The following PARD3B variants were observed in gnomAD, a reference collection of about 807,000 sequenced individuals.
PARD3B encodes the protein partitioning defective 3 homolog B.
In PARD3B, 103 loss-of-function variants were observed where a neutral mutation model predicts 130.2. The observed-to-expected ratio is 0.79, with a 90% CI of 0.67 to 0.93. The LOEUF (loss-of-function observed/expected upper bound fraction) is 0.93. Ranked by LOEUF, PARD3B falls within the 40% of genes least tolerant of loss-of-function variation. The probability of loss-of-function intolerance (pLI) is 0.00; values close to 1 mark genes in which losing one functional copy is unlikely to be tolerated. For missense variants in PARD3B, 1,609 were observed against 1,499.2 expected (o/e 1.07, Z -1.21); for synonymous variants, 583 against 553.2 (o/e 1.05, Z -0.76).
intron 13 of PARD3B, among the ~76,000 whole-genome samples, chr2:205,182,159 G>T (rs1392505388): frequency 6.6e-6 from 1 of 152,114 alleles, no homozygotes; most frequent in Non-Finnish European, 1.5e-5. Context: ...GGGCTTGGTG[G>T]CAGGTGCCTG....
intron 11 of PARD3B, among the ~76,000 whole-genome samples, chr2:205,163,755 C>T (rs2034641876): frequency 6.6e-6 from 1 of 152,204 alleles, no homozygotes; most frequent in Non-Finnish European, 1.5e-5. Flanking sequence ...CCACCCCCAT[C>T]TCTGCCGGTA....
chr2:204,925,703 T>C (rs1285870069), intron 2 of PARD3B, among the ~76,000 whole-genome samples: 2 of 152,088 alleles, frequency 1.3e-5, no homozygotes, highest in East Asian at 1.9e-4. Context: ...AGAGACATTA[T>C]TGACTAAGCT....
At chr2:204,557,203 A>AC (rs1407587469) in intron 1 of PARD3B, among the ~76,000 whole-genome samples, 1 of 151,966 alleles carries the variant, frequency 6.6e-6, no homozygotes, top group Non-Finnish European at 1.5e-5. Flanking sequence ...CTAGCCCTGA[A>AC]CTTGCTCCAG....
intron 2 of PARD3B, among the ~76,000 whole-genome samples, chr2:204,806,534 A>G (rs1239679899): frequency 6.6e-6 from 1 of 152,110 alleles, no homozygotes; most frequent in African/African-American, 2.4e-5. Flanking sequence ...CTATGAAACT[A>G]TTTGAGACTA....
intron 22 of PARD3B, among the ~76,000 whole-genome samples, chr2:205,588,982 T>G (rs2054290737): frequency 6.6e-6 from 1 of 152,180 alleles, no homozygotes; most frequent in Admixed American, 6.5e-5. Context: ...CACAGAATAG[T>G]CTGCCATTCA....
intron 19 of PARD3B, among the ~76,000 whole-genome samples, chr2:205,438,415 A>T (rs567738648): frequency 8.9e-4 from 136 of 152,272 alleles, no homozygotes; most frequent in African/African-American, 2.9e-3. Flanking sequence ...CAGCCATGAG[A>T]TATTCATCTT....
chr2:205,113,977 C>G (rs1409718545), intron 6 of PARD3B, among the ~76,000 whole-genome samples: 1 of 152,004 alleles, frequency 6.6e-6, no homozygotes, highest in Non-Finnish European at 1.5e-5. Flanking sequence ...TGTTATTCTT[C>G]AAGTATGTAG....
At position 205,321,798 on chromosome 2, in the gene PARD3B, G is replaced by A. The variant is rs750427442; in HGVS notation, c.2630+20097G>A. On this transcript the variant is annotated intron_variant, in intron 18 of 22. Coordinates refer to ENST00000406610, the MANE Select transcript of PARD3B (RefSeq NM_001302769.2). The surrounding 1 kb of genome is among the most constrained non-coding windows in gnomAD (Gnocchi z 4.2). The stretch of plus-strand genomic sequence containing the variant: ...TAATCTAAAAACATAAATTAAGTCA[G>A]TGTTGACTCCTGGTAAATGAGTACA... Among the ~76,000 whole-genome samples the A allele has an allele frequency of 2.0e-5, 3 of 152,200 alleles. No homozygotes were observed. Among genetic ancestry groups the A allele is most frequent in the African/African-American group, 7.2e-5 (3 of 41,460 alleles).
intron 20 of PARD3B, among the ~76,000 whole-genome samples, chr2:205,472,898 C>A (rs2048887938): frequency 6.6e-6 from 1 of 151,908 alleles, no homozygotes; most frequent in Non-Finnish European, 1.5e-5. Context: ...AGGAACAGAA[C>A]AATGAGTAGT....
chr2:204,996,829 G>C (rs1694240838), intron 3 of PARD3B, among the ~76,000 whole-genome samples: 2 of 147,340 alleles, frequency 1.4e-5, no homozygotes, highest in Non-Finnish European at 1.5e-5. Context: ...ATTCGGGTGG[G>C]AGTGACCCGA....
chr2:205,398,996 C>T lies in PARD3B; in HGVS notation c.2631-2017C>T, dbSNP rs966267357. On this transcript the variant is annotated intron_variant, in intron 18 of 22. Coordinates refer to ENST00000406610, the MANE Select transcript of PARD3B (RefSeq NM_001302769.2). The stretch of plus-strand genomic sequence containing the variant: ...GAAAAAGTCTAAGAATCGCTGGGCA[C>T]GGTGGCTCACGCCTGTAATCCCAGC... 3.9e-5 allele frequency among the ~76,000 whole-genome samples: 6 copies of T among 152,048 alleles called. No individual in the cohort carries two copies. In the East Asian group the frequency reaches 7.7e-4, roughly 20 times the overall value.
At chr2:204,991,895 A>G (rs1381327350) in intron 3 of PARD3B, among the ~76,000 whole-genome samples, 1 of 150,054 alleles carries the variant, frequency 6.7e-6, no homozygotes, top group Non-Finnish European at 1.5e-5. Context: ...GTGTCTGTTC[A>G]TGTCCTTCAC....
chr2:205,164,189 T>G (rs2034669702), intron 11 of PARD3B, among the ~76,000 whole-genome samples: 1 of 152,236 alleles, frequency 6.6e-6, no homozygotes, highest in South Asian at 2.1e-4. Context: ...AAATACATTT[T>G]AGCTAATTTT....
At chr2:204,827,324 C>T (rs1386891892) in intron 2 of PARD3B, among the ~76,000 whole-genome samples, 1 of 152,014 alleles carries the variant, frequency 6.6e-6, no homozygotes, top group Non-Finnish European at 1.5e-5. Context: ...ACTTGGAGAA[C>T]TTTTTATAAT....
intron 13 of PARD3B, among the ~76,000 whole-genome samples, chr2:205,182,587 A>G (rs1392943150): frequency 6.6e-6 from 1 of 152,232 alleles, no homozygotes; most frequent in African/African-American, 2.4e-5. Context: ...AGATAAATAG[A>G]TAATAGCTTG....
chr2:204,792,913 T>A (rs188204314), intron 2 of PARD3B, among the ~76,000 whole-genome samples: 1 of 152,068 alleles, frequency 6.6e-6, no homozygotes, highest in Non-Finnish European at 1.5e-5. Context: ...TTTTTTTTTT[T>A]TATAGACCCG....
At chr2:204,746,939 C>G (rs1159633044) in intron 2 of PARD3B, among the ~76,000 whole-genome samples, 1 of 152,122 alleles carries the variant, frequency 6.6e-6, no homozygotes, top group Non-Finnish European at 1.5e-5. Context: ...CCTGTTCATT[C>G]TGATGGTAGT....
chr2:205,494,590 G>A (rs1244527473), intron 20 of PARD3B, among the ~76,000 whole-genome samples: 4 of 152,140 alleles, frequency 2.6e-5, no homozygotes, highest in Admixed American at 6.5e-5. Context: ...TTCATTGCAT[G>A]TATTTCTATT....
At chr2:204,825,169 A>T (rs753535413) in intron 2 of PARD3B, among the ~76,000 whole-genome samples, 1 of 152,192 alleles carries the variant, frequency 6.6e-6, no homozygotes, top group Non-Finnish European at 1.5e-5. Context: ...TCTAGCTGTT[A>T]TCTGTTCGTG....
Sources: gnomAD v4.1 joint callset for allele counts (sites outside exome capture counted in the v4.1 genomes callset) on GRCh38, gnomAD v4.1.1 for gene constraint, Gnocchi (gnomAD v3.1) non-coding constraint, MANE v1.5 for transcripts, NCBI Gene and HGNC (gene_info 2026-07-23, HGNC 2026-07-21) for gene names.